Variants in UNC5D observed in about 807,000 individuals in gnomAD.
UNC5D encodes the protein unc-5 netrin receptor D.
UNC5D carries 39 observed loss-of-function variants against 105.4 expected under a neutral mutation model. The observed-to-expected ratio is 0.37, with a 90% confidence interval of 0.29 to 0.48. The LOEUF is 0.48. UNC5D is among the 20% of genes least tolerant of loss of function. The pLI is 0.98. For synonymous variants in UNC5D, 452 were observed against 450.4 expected, an observed-to-expected ratio of 1.00 and a Z score of -0.04; for missense variants, 991 against 1,202.4, an observed-to-expected ratio of 0.82 and a Z score of 2.60.
intron 4 of UNC5D, among the ~76,000 whole-genome samples, chr8:35,661,383 T>G (rs1306176221): frequency 6.6e-6 from 1 of 152,198 alleles, no homozygotes; most frequent in African/African-American, 2.4e-5. Context: ...TCTAACGTCC[T>G]CTTTGTTTCT....
At chr8:35,721,068 G>A (rs1228989516) in intron 8 of UNC5D, among the ~76,000 whole-genome samples, 1 of 152,126 alleles carries the variant, frequency 6.6e-6, no homozygotes, top group Non-Finnish European at 1.5e-5. Context: ...CATAGTAAGT[G>A]CTGCACAATT....
In UNC5D at chr8:35,484,663, T is replaced by C. The variant is rs375206041; in HGVS notation, c.104-64629T>C. Among the ~76,000 whole-genome samples the C allele has an allele frequency of 3.9e-5, 6 of 152,174 alleles. No homozygotes were observed. In the East Asian group the frequency reaches 1.2e-3, roughly 29 times the overall value. ...TCACAGACCGAGACATAGCATGACT[T>C]GGGCAAAGGATCCTGGTGCTCTTTA... On this transcript the variant is annotated intron_variant, in intron 1 of 16. Transcript: ENST00000404895.
intron 7 of UNC5D, among the ~76,000 whole-genome samples, chr8:35,694,778 C>T (rs967185558): frequency 1.3e-5 from 2 of 151,958 alleles, no homozygotes; most frequent in African/African-American, 4.8e-5. Context: ...TTCAGTGGCA[C>T]AATCATAGCT....
At chr8:35,605,035 C>G (rs1047180851) in intron 4 of UNC5D, among the ~76,000 whole-genome samples, 3 of 152,190 alleles carry the variant, frequency 2.0e-5, no homozygotes, top group African/African-American at 7.2e-5. Flanking sequence ...AGGCCTTCCT[C>G]TCTCAACTCG....
At chr8:35,560,354 T>A (rs1163136208) in intron 2 of UNC5D, among the ~76,000 whole-genome samples, 1 of 152,180 alleles carries the variant, frequency 6.6e-6, no homozygotes, top group Non-Finnish European at 1.5e-5. Flanking sequence ...GAAGAGCAAT[T>A]TTCTTAAAGC....
intron 7 of UNC5D, among the ~76,000 whole-genome samples, chr8:35,700,247 A>G (rs572911018): frequency 1.6e-3 from 247 of 152,274 alleles, no homozygotes; most frequent in Middle Eastern, 3.4e-3. Flanking sequence ...ATACACTGAT[A>G]ATCAATAACC....
intron 1 of UNC5D, among the ~76,000 whole-genome samples, chr8:35,529,905 G>A (rs1814207552): frequency 6.6e-6 from 1 of 150,392 alleles, no homozygotes; most frequent in South Asian, 2.1e-4. Flanking sequence ...TGTATCCTGA[G>A]ACTTTGCTGA....
chr8:35,512,473 T>TAA (rs1377409388), intron 1 of UNC5D, among the ~76,000 whole-genome samples: 59 of 96,526 alleles, frequency 6.1e-4, no homozygotes, highest in Non-Finnish European at 9.5e-4. Context: ...GCCATATATA[T>TAA]ATATATATAT....
In UNC5D at chr8:35,442,904, T is replaced by TCTCTCA. The variant is rs1246705327; in HGVS notation, c.104-106387_104-106386insTCTCAC. ...CTCTGTTTCTCTCTCTCTCTCTCTCTCACACACACACACACACACACACAC... is the reference window on the plus strand; with the variant it reads ...CTCTGTTTCTCTCTCTCTCTCTCTCTCTCTCACACACACACACACACACACACACAC... On this transcript the variant is annotated intron_variant, in intron 1 of 16. Transcript: ENST00000404895. 3.0e-3 allele frequency among the ~76,000 whole-genome samples: 429 copies of TCTCTCA among 141,340 alleles called. 2 individuals carry two copies. Among genetic ancestry groups the TCTCTCA allele is most frequent in the African/African-American group, 6.8e-3 (252 of 36,928 alleles). The allele number at this position is 141,340 out of a possible 152,430, so 92.7% of individuals were successfully genotyped here.
chr8:35,398,019 A>G (rs1006471201), intron 1 of UNC5D, among the ~76,000 whole-genome samples: 1 of 152,194 alleles, frequency 6.6e-6, no homozygotes, highest in African/African-American at 2.4e-5. Flanking sequence ...CAAATTCACC[A>G]GGCTCTCTGA....
At chr8:35,282,710 C>CAAAAAAAAAAAAAAA (rs200599461) in intron 1 of UNC5D, among the ~76,000 whole-genome samples, 3 of 135,942 alleles carry the variant, frequency 2.2e-5, no homozygotes, top group African/African-American at 2.7e-5. Context: ...TATTAAAAGA[C>CAAAAAAAAAAAAAAA]AAAAAAAAAA....
chr8:35,769,888 A>G (rs1224057244), intron 15 of UNC5D, among the ~76,000 whole-genome samples: 4 of 152,152 alleles, frequency 2.6e-5, no homozygotes, highest in Admixed American at 6.5e-5. Context: ...GCTTGAACCC[A>G]GAAGGCAGAG....
chr8:35,349,740 A>G (rs1812068281), intron 1 of UNC5D, among the ~76,000 whole-genome samples: 1 of 152,028 alleles, frequency 6.6e-6, no homozygotes, highest in African/African-American at 2.4e-5. Context: ...TCTTAAGATT[A>G]CCACTGTACT....
chr8:35,628,795 C>T (rs1310458196), intron 4 of UNC5D, among the ~76,000 whole-genome samples: 3 of 152,176 alleles, frequency 2.0e-5, no homozygotes, highest in Non-Finnish European at 4.4e-5. Context: ...GAGACTTACT[C>T]TCAGTGATAC....
At chr8:35,434,561 G>A (rs913415359) in intron 1 of UNC5D, among the ~76,000 whole-genome samples, 1 of 151,970 alleles carries the variant, frequency 6.6e-6, no homozygotes, top group Non-Finnish European at 1.5e-5. Context: ...ATAAATTAAA[G>A]TTATCTTTTC....
At chr8:35,262,881 G>A (rs902628317) in intron 1 of UNC5D, among the ~76,000 whole-genome samples, 4 of 152,198 alleles carry the variant, frequency 2.6e-5, no homozygotes, top group South Asian at 4.2e-4. Flanking sequence ...TCCATAGTAC[G>A]ATTAATCTTC....
At chr8:35,271,688 C>CCTAT (rs1563268023) in intron 1 of UNC5D, among the ~76,000 whole-genome samples, 2 of 9,376 alleles carry the variant, frequency 2.1e-4, no homozygotes, top group Non-Finnish European at 4.4e-4. Context: ...TATATGTATA[C>CCTAT]ATGTATACAT....
At chr8:35,370,887 T>C (rs1802393890) in intron 1 of UNC5D, among the ~76,000 whole-genome samples, 1 of 152,204 alleles carries the variant, frequency 6.6e-6, no homozygotes, top group African/African-American at 2.4e-5. Context: ...TACAGTGTAC[T>C]TGTGAAGACA....
chr8:35,572,447 A>T (rs1817806367), intron 3 of UNC5D, among the ~76,000 whole-genome samples: 1 of 152,144 alleles, frequency 6.6e-6, no homozygotes, highest in South Asian at 2.1e-4. Flanking sequence ...CAGGAAGCTC[A>T]TTGGAATAAT....
Sources: gnomAD v4.1 joint callset for allele counts (sites outside exome capture counted in the v4.1 genomes callset) on GRCh38, gnomAD v4.1.1 for gene constraint, MANE v1.5 for transcripts, NCBI Gene and HGNC (gene_info 2026-07-23, HGNC 2026-07-21) for gene names.